DOCK3: variants seen among roughly 807,000 people sequenced by gnomAD.
The protein encoded by DOCK3 is dedicator of cytokinesis protein 3.
Under a neutral mutation model 265.6 loss-of-function variants are expected in DOCK3, and 60 were observed. That is an observed-to-expected ratio of 0.23 (90% CI 0.18 to 0.28). DOCK3 has a LOEUF of 0.28. DOCK3 is among the 10% of genes least tolerant of loss of function. The probability of loss-of-function intolerance (pLI) is 1.00; values close to 1 mark genes in which losing one functional copy is unlikely to be tolerated. For synonymous variants in DOCK3, 881 were observed against 938.0 expected, an observed-to-expected ratio of 0.94 and a Z score of 1.11; for missense variants, 1,981 against 2,594.3, an observed-to-expected ratio of 0.76 and a Z score of 5.14.
At chr3:51,155,564 G>A (rs2085806957) in intron 10 of DOCK3, among the ~76,000 whole-genome samples, 1 of 152,178 alleles carries the variant, frequency 6.6e-6, no homozygotes, top group African/African-American at 2.4e-5. Flanking sequence ...CCTTAGAATA[G>A]GGAAAAGGGA....
At chr3:50,815,509 C>G (rs542024571) in intron 2 of DOCK3, among the ~76,000 whole-genome samples, 1 of 152,266 alleles carries the variant, frequency 6.6e-6, no homozygotes, top group Non-Finnish European at 1.5e-5. Flanking sequence ...ATCTTGAACC[C>G]TCTCTACTTC....
chr3:51,003,135 C>T (rs188120044), intron 5 of DOCK3, among the ~76,000 whole-genome samples: 8 of 152,282 alleles, frequency 5.3e-5, no homozygotes, highest in African/African-American at 1.7e-4. Flanking sequence ...CTTTTCAGTG[C>T]TTTGCATTTT....
At chr3:51,118,009 C>T (rs4487270) in intron 9 of DOCK3, among the ~76,000 whole-genome samples, 137,174 of 152,206 alleles carry the variant, frequency 0.9, 62,006 homozygotes, top group African/African-American at 0.95. Context: ...GCTTTTGAAT[C>T]TGTTTGCTCT....
chr3:51,179,039 C>A (rs1009390433), intron 12 of DOCK3, among the ~76,000 whole-genome samples: 1 of 152,126 alleles, frequency 6.6e-6, no homozygotes, highest in Admixed American at 6.6e-5. Context: ...ATAACCAGAA[C>A]GCTGTGATAG....
intron 1 of DOCK3, among the ~76,000 whole-genome samples, chr3:50,705,129 T>C (rs1559533016): frequency 2.0e-5 from 3 of 151,902 alleles, no homozygotes; most frequent in South Asian, 4.2e-4. Context: ...AACGTTTGAC[T>C]CTTTTTCTTT....
At chr3:50,848,422 A>C (rs1330313223) in intron 3 of DOCK3, among the ~76,000 whole-genome samples, 1 of 152,188 alleles carries the variant, frequency 6.6e-6, no homozygotes, top group Admixed American at 6.5e-5. Flanking sequence ...GTGTGACAGC[A>C]GGTATCGCTC....
chr3:51,322,379 A>AT (rs1478066877), intron 32 of DOCK3, among the ~76,000 whole-genome samples: 1 of 151,846 alleles, frequency 6.6e-6, no homozygotes, highest in African/African-American at 2.4e-5. Flanking sequence ...ATTTTTTTGT[A>AT]TTTTTAGCAG....
At chr3:50,811,811 A>G (rs1361101089) in intron 2 of DOCK3, among the ~76,000 whole-genome samples, 2 of 152,244 alleles carry the variant, frequency 1.3e-5, no homozygotes, top group African/African-American at 4.8e-5. Context: ...GATCCAATCA[A>G]GAGAGAGAAA....
chr3:51,275,008 A>G, intron 24 of DOCK3, 71 bp from the exon 25 acceptor site: 5 of 1,597,578 alleles, frequency 3.1e-6, no homozygotes, highest in Non-Finnish European at 4.3e-6. Flanking sequence ...TAAGTCCCAC[A>G]ATGCCACTGG....
intron 1 of DOCK3, among the ~76,000 whole-genome samples, chr3:50,778,051 A>G (rs1346933645): frequency 6.6e-6 from 1 of 152,218 alleles, no homozygotes; most frequent in South Asian, 2.1e-4. Flanking sequence ...TGGGTTTGTC[A>G]TATATAGCTT....
chr3:51,322,196 T>G (rs1341751834), intron 32 of DOCK3, among the ~76,000 whole-genome samples: 1 of 151,680 alleles, frequency 6.6e-6, no homozygotes, highest in Non-Finnish European at 1.5e-5. Context: ...ATTCTTTTGT[T>G]TTTGTTTTTG....
intron 25 of DOCK3, among the ~76,000 whole-genome samples, chr3:51,277,307 A>G (rs1560336331): frequency 6.6e-6 from 1 of 152,324 alleles, no homozygotes; most frequent in South Asian, 2.1e-4. Context: ...CATTTAACTC[A>G]AGATCTTTGC....
intron 1 of DOCK3, among the ~76,000 whole-genome samples, chr3:50,743,237 T>A (rs950096356): frequency 6.6e-6 from 1 of 151,764 alleles, no homozygotes; most frequent in Admixed American, 6.6e-5. Context: ...CACTGCAAAA[T>A]CGTGCCAAAT....
intron 19 of DOCK3, among the ~76,000 whole-genome samples, chr3:51,234,205 C>A (rs1241387634): frequency 6.6e-6 from 1 of 152,292 alleles, no homozygotes; most frequent in East Asian, 1.9e-4. Flanking sequence ...GAGGTGACAT[C>A]TCATTGTGGT....
chr3:51,323,317 G>A (rs1312711217), intron 32 of DOCK3, among the ~76,000 whole-genome samples: 1 of 152,062 alleles, frequency 6.6e-6, no homozygotes. Context: ...AATTAACAAG[G>A]ATATCCAGGA....
intron 9 of DOCK3, among the ~76,000 whole-genome samples, chr3:51,133,925 C>G (rs2084676664): frequency 1.3e-5 from 2 of 152,156 alleles, no homozygotes; most frequent in Non-Finnish European, 2.9e-5. Flanking sequence ...ACTCATCTCC[C>G]TCCTCCCACC....
intron 2 of DOCK3, among the ~76,000 whole-genome samples, chr3:50,802,618 A>G (rs1290080681): frequency 1.3e-5 from 2 of 152,032 alleles, no homozygotes; most frequent in Non-Finnish European, 2.9e-5. Context: ...ATTGGCCTGT[A>G]AGTTTTCTCC....
At chr3:51,185,440 G>A (rs963432670) in intron 12 of DOCK3, among the ~76,000 whole-genome samples, 1 of 152,116 alleles carries the variant, frequency 6.6e-6, no homozygotes, top group African/African-American at 2.4e-5. Context: ...GGTCAAGTAG[G>A]CATTTAATAA....
intron 7 of DOCK3, among the ~76,000 whole-genome samples, chr3:51,081,665 G>A (rs9863847): frequency 0.83 from 126,719 of 151,866 alleles, 53,323 homozygotes; most frequent in East Asian, 0.95. Context: ...GGAGGCCAAG[G>A]CAGACAGATC....
Sources: gnomAD v4.1 joint callset for allele counts (sites outside exome capture counted in the v4.1 genomes callset) on GRCh38, gnomAD v4.1.1 for gene constraint, MANE v1.5 for transcripts, NCBI Gene and HGNC (gene_info 2026-07-23, HGNC 2026-07-21) for gene names.